GRM7: variants seen among roughly 807,000 people sequenced by gnomAD.
GRM7 encodes metabotropic glutamate receptor 7.
Under a neutral mutation model 84.5 loss-of-function variants are expected in GRM7, and 35 were observed. That is an observed-to-expected ratio of 0.41 (90% CI 0.32 to 0.55). The LOEUF is 0.55. Among genes scored for constraint, GRM7 ranks in the 20% least tolerant of loss-of-function variants. The probability of loss-of-function intolerance (pLI) is 0.19; values close to 1 mark genes in which losing one functional copy is unlikely to be tolerated. For missense variants in GRM7, 1,003 were observed against 1,194.6 expected (o/e 0.84, Z 2.36); for synonymous variants, 487 against 455.1 (o/e 1.07, Z -0.89).
intron 8 of GRM7, among the ~76,000 whole-genome samples, chr3:7,601,075 CTTG>C (rs1267389896): frequency 6.6e-6 from 1 of 152,104 alleles, no homozygotes; most frequent in Non-Finnish European, 1.5e-5. Context: ...TCACATTATG[CTTG>C]TTGTGGCTAT....
chr3:7,060,044 A>C (rs2124968089), intron 1 of GRM7, among the ~76,000 whole-genome samples: 1 of 151,944 alleles, frequency 6.6e-6, no homozygotes, highest in South Asian at 2.1e-4. Flanking sequence ...TGTATCCTGT[A>C]ATGATTTGGG....
At chr3:7,479,048 C>A (rs148167669) in intron 7 of GRM7, among the ~76,000 whole-genome samples, 3 of 150,138 alleles carry the variant, frequency 2.0e-5, no homozygotes, top group East Asian at 2.0e-4. Context: ...CCTCAGTGTA[C>A]CCATATGTAA....
intron 1 of GRM7, among the ~76,000 whole-genome samples, chr3:7,080,824 T>C (rs559425869): frequency 6.6e-6 from 1 of 152,102 alleles, no homozygotes; most frequent in East Asian, 1.9e-4. Flanking sequence ...AAGGACTTTT[T>C]AAAAAAATCA....
At chr3:7,518,234 C>A (rs922095401) in intron 7 of GRM7, among the ~76,000 whole-genome samples, 1 of 152,106 alleles carries the variant, frequency 6.6e-6, no homozygotes, top group African/African-American at 2.4e-5. Flanking sequence ...ACTAGGAAGG[C>A]CTTGGCAGCA....
At chr3:7,172,663 G>C (rs1293101313) in intron 2 of GRM7, among the ~76,000 whole-genome samples, 2 of 150,714 alleles carry the variant, frequency 1.3e-5, no homozygotes, top group Non-Finnish European at 2.9e-5. Flanking sequence ...TTTCCGAAAA[G>C]AACAATTTTT....
At chr3:7,228,106 G>C (rs548799587) in intron 2 of GRM7, among the ~76,000 whole-genome samples, 3 of 152,100 alleles carry the variant, frequency 2.0e-5, no homozygotes, top group Admixed American at 6.6e-5. Context: ...CCATAAATCT[G>C]GTGAGTGAAG....
intron 2 of GRM7, among the ~76,000 whole-genome samples, chr3:7,229,517 A>G (rs1391175116): frequency 6.6e-6 from 1 of 151,532 alleles, no homozygotes; most frequent in Non-Finnish European, 1.5e-5. Flanking sequence ...TCATCTGTAT[A>G]TGAAGATACT....
At position 6,875,439 on chromosome 3, in the gene GRM7, A is replaced by G. The variant is rs549916362; in HGVS notation, c.519+13532A>G. Among the ~76,000 whole-genome samples the G allele has an allele frequency of 3.3e-5, 5 of 152,192 alleles. No individual in the cohort carries two copies. In the South Asian group the frequency reaches 1.0e-3, roughly 32 times the overall value. On this transcript the variant is annotated intron_variant, in intron 1 of 9. Coordinates refer to ENST00000357716, the MANE Select transcript of GRM7 (RefSeq NM_000844.4). ...TAGAGAATAAGTCTCACGAGATCTG[A>G]TGGTTTTATAAACGAGAGTTCCCCT...
chr3:7,132,037 G>A (rs1693618682), intron 1 of GRM7, among the ~76,000 whole-genome samples: 1 of 152,066 alleles, frequency 6.6e-6, no homozygotes, highest in Non-Finnish European at 1.5e-5. Flanking sequence ...GCTTTCATTT[G>A]CTCTTTTGCT....
intron 2 of GRM7, among the ~76,000 whole-genome samples, chr3:7,221,359 G>T (rs1292309999): frequency 6.6e-6 from 1 of 152,110 alleles, no homozygotes; most frequent in Non-Finnish European, 1.5e-5. Context: ...TTTTTAAGAA[G>T]TATTTGTGTG....
intron 7 of GRM7, among the ~76,000 whole-genome samples, chr3:7,491,904 A>T (rs1699532143): frequency 6.6e-6 from 1 of 152,176 alleles, no homozygotes; most frequent in Non-Finnish European, 1.5e-5. Flanking sequence ...CTTTTCCAGC[A>T]AGTCTCTTGC....
intron 1 of GRM7, among the ~76,000 whole-genome samples, chr3:6,959,011 C>A (rs1005225426): frequency 6.6e-6 from 1 of 152,140 alleles, no homozygotes; most frequent in Non-Finnish European, 1.5e-5. Context: ...GGGCATATGG[C>A]CCTGTAGGCG....
intron 9 of GRM7, among the ~76,000 whole-genome samples, chr3:7,735,238 A>G (rs1702465291): frequency 6.6e-6 from 1 of 152,208 alleles, no homozygotes; most frequent in Non-Finnish European, 1.5e-5. Flanking sequence ...TAGTTTGGAC[A>G]AAGTTGTATC....
intron 2 of GRM7, among the ~76,000 whole-genome samples, chr3:7,242,707 C>T (rs959923288): frequency 6.6e-5 from 10 of 152,076 alleles, no homozygotes; most frequent in Admixed American, 2.0e-4. Context: ...AGATTTCAGA[C>T]GAAGAGACGT....
At chr3:7,423,729 A>C (rs1333326953) in intron 5 of GRM7, among the ~76,000 whole-genome samples, 2 of 149,052 alleles carry the variant, frequency 1.3e-5, no homozygotes, top group Non-Finnish European at 3.0e-5. Context: ...ATTTTTCTAC[A>C]GAATAAAATG....
chr3:7,100,998 CA>C (rs537043083), intron 1 of GRM7, among the ~76,000 whole-genome samples: 192 of 151,736 alleles, frequency 1.3e-3, no homozygotes, highest in African/African-American at 4.4e-3. Context: ...ATCCATTCTC[CA>C]GTTGATGGAA....
chr3:6,889,555 A>G (rs544786591), intron 1 of GRM7, among the ~76,000 whole-genome samples: 80 of 152,124 alleles, frequency 5.3e-4, no homozygotes, highest in African/African-American at 1.9e-3. Context: ...CATATATTGA[A>G]CCAGCCTTGC....
intron 1 of GRM7, among the ~76,000 whole-genome samples, chr3:7,143,437 T>C (rs1176500581): frequency 6.6e-6 from 1 of 152,272 alleles, no homozygotes; most frequent in African/African-American, 2.4e-5. Context: ...ATTATATTCA[T>C]AGTGTCAAAA....
At chr3:7,130,947 AC>A (rs1693575959) in intron 1 of GRM7, among the ~76,000 whole-genome samples, 1 of 152,202 alleles carries the variant, frequency 6.6e-6, no homozygotes, top group African/African-American at 2.4e-5. Context: ...ACTCACACAC[AC>A]ACACACACAC....
Sources: allele counts gnomAD v4.1 joint callset (sites outside exome capture counted in the v4.1 genomes callset), GRCh38; gene constraint gnomAD v4.1.1; transcripts MANE v1.5; gene names NCBI Gene and HGNC (gene_info 2026-07-23, HGNC 2026-07-21).